Variants in POLR3E observed in about 807,000 individuals in gnomAD.
The protein encoded by POLR3E is RNA polymerase III subunit E.
A neutral mutation model predicts 96.6 loss-of-function variants in POLR3E; 41 were observed. That is an observed-to-expected ratio of 0.42 (90% confidence interval 0.33 to 0.55). The LOEUF (loss-of-function observed/expected upper bound fraction) is 0.55, where lower values mean the gene tolerates loss of function less well. Among genes scored for constraint, POLR3E ranks in the 20% least tolerant of loss-of-function variants. POLR3E has a pLI of 0.06. For missense variants in POLR3E, 849 were observed against 952.1 expected (o/e 0.89, Z 1.43); for synonymous variants, 396 against 383.6 (o/e 1.03, Z -0.38).
In POLR3E at chr16:22,332,065, A is replaced by G. The variant is rs771174202; in HGVS notation, c.1950A>G (p.Arg650=). The G allele has an allele frequency of 6.8e-6, 11 of 1,613,698 alleles. No homozygotes were observed. The highest frequency in any genetic ancestry group is 9.3e-6 in the Non-Finnish European group (11 of 1,179,806). The part of the protein sequence containing the change: ...WESGDMSDQH[R]QVLLEIFSKN... Reference sequence around the variant, plus strand: ...ACGTGTTTTTGCTACTAAAGCATCGACAGGTTTTGCTTGAAATTTTTTCCA... The same window carrying G: ...ACGTGTTTTTGCTACTAAAGCATCGGCAGGTTTTGCTTGAAATTTTTTCCA... The change falls in exon 20 of 21, where the codon CGA becomes CGG. Residue 650 remains arginine, a synonymous_variant. Transcript: ENST00000299853.
chr16:22,312,777 G>T (rs1256048075), intron 6 of POLR3E, among the ~76,000 whole-genome samples: 1 of 145,208 alleles, frequency 6.9e-6, no homozygotes, highest in Non-Finnish European at 1.5e-5. Flanking sequence ...TGAGGCAGGG[G>T]AATCACTTGA....
chr16:22,331,809 AC>A, intron 19 of POLR3E: 1 of 377,680 alleles, frequency 2.6e-6, no homozygotes, highest in South Asian at 2.8e-5. Flanking sequence ...GCTGGCATAT[AC>A]CTTTGTTTTT....
intron 19 of POLR3E, among the ~76,000 whole-genome samples, chr16:22,329,908 C>T (rs1222312497): frequency 1.3e-5 from 2 of 151,596 alleles, no homozygotes; most frequent in Non-Finnish European, 2.9e-5. Flanking sequence ...GGATCATAGG[C>T]ATTTACATCA....
Position 22,318,101 on chromosome 16 carries a change from T to A in POLR3E, c.866-725T>A, listed in dbSNP as rs914393573. On this transcript the variant is annotated intron_variant, in intron 12 of 20. Coordinates refer to ENST00000299853, the MANE Select transcript of POLR3E (RefSeq NM_018119.4). The surrounding 1 kb of genome is among the most constrained non-coding windows in gnomAD (Gnocchi z 5.0). ...TTCCTTCCTGCAGAGGACTTCGAAC[T>A]TTTTTTTTTTTTGAGACAGTCTTGC... Among the ~76,000 whole-genome samples the A allele has an allele frequency of 8.0e-6, 1 of 125,004 alleles. No homozygotes were observed. Among genetic ancestry groups the A allele is most frequent in the Non-Finnish European group, 1.5e-5 (1 of 65,160 alleles). The allele number at this position is 125,004 out of a possible 152,430, so 82.0% of individuals were successfully genotyped here. A position where few individuals can be genotyped will look rare whatever the true frequency, so the allele number is the denominator to read the frequency against.
rs962359126 is a variant in POLR3E at position 22,297,476 on chromosome 16, G to C, written c.-100G>C. ...CTGAGAGGAGAGCCGGGCCGCCGCC[G>C]TCTCTGCAGCCCGCGGGTAACTGGG... On this transcript the variant is annotated 5_prime_UTR_variant, in exon 1 of 21. Transcript: ENST00000299853. 1 of 152,524 alleles carries C rather than the reference G, an allele frequency of 6.6e-6. No individual in the cohort carries two copies. The highest frequency in any genetic ancestry group is 1.5e-5 in the Non-Finnish European group (1 of 68,258). 9.4% of individuals were successfully genotyped at this position (152,524 alleles called of 1,614,324 possible).
At chr16:22,323,691 A>G (rs2048516859) in intron 14 of POLR3E, among the ~76,000 whole-genome samples, 1 of 152,022 alleles carries the variant, frequency 6.6e-6, no homozygotes. Context: ...GCATGTAACA[A>G]TCACCACTCC....
intron 18 of POLR3E, chr16:22,327,927 T>G (rs964308076): frequency 6.6e-6 from 1 of 152,224 alleles, no homozygotes; most frequent in Non-Finnish European, 1.5e-5. Flanking sequence ...CCATCCCAGA[T>G]GCCCCCTCCC....
Position 22,308,907 on chromosome 16 carries a change from G to T in POLR3E, c.166-18G>T. ...CCTTGGGGTCCTCATAGCTGGTGGG[G>T]GTGCTTGGTGCCTCCAGGTAGAGCT... On this transcript the variant is annotated intron_variant, in intron 4 of 20. Transcript: ENST00000299853. 5.7e-6 allele frequency: 9 copies of T among 1,565,510 alleles called. No homozygotes were observed. Among genetic ancestry groups the T allele is most frequent in the East Asian group, 2.2e-5 (1 of 44,626 alleles).
rs111891081 is a variant in POLR3E, at chr16:22,318,784, C to T, written c.866-42C>T. 21 of 1,591,678 alleles carry T rather than the reference C, an allele frequency of 1.3e-5. No individual in the cohort carries two copies. The highest frequency in any genetic ancestry group is 1.7e-5 in the Non-Finnish European group (20 of 1,166,422). On this transcript the variant is annotated intron_variant, in intron 12 of 20. Transcript: ENST00000299853. This position sits in a 1 kb window ranked among gnomAD's most constrained non-coding sequence, Gnocchi z 5.0. Reference sequence around the variant, plus strand: ...TCTCGGTGGAGGGGAGGGAAGGGCCCGGCCCCTCTTCCTTGTCTGATGTCT... The same window carrying T: ...TCTCGGTGGAGGGGAGGGAAGGGCCTGGCCCCTCTTCCTTGTCTGATGTCT...
At chr16:22,306,040 C>T (rs1260328110) in intron 3 of POLR3E, among the ~76,000 whole-genome samples, 1 of 152,096 alleles carries the variant, frequency 6.6e-6, no homozygotes, top group Non-Finnish European at 1.5e-5. Context: ...GAACCCCTTG[C>T]CTATTAGCGA....
intron 13 of POLR3E, among the ~76,000 whole-genome samples, chr16:22,321,024 T>A (rs1265993951): frequency 6.6e-6 from 1 of 152,198 alleles, no homozygotes; most frequent in African/African-American, 2.4e-5. Context: ...CTGCTGGGGA[T>A]CACAGGTCTT....
intron 8 of POLR3E, among the ~76,000 whole-genome samples, chr16:22,314,671 G>A (rs1365266110): frequency 6.6e-6 from 1 of 152,214 alleles, no homozygotes; most frequent in Non-Finnish European, 1.5e-5. Flanking sequence ...GTGTTTGGAA[G>A]CCCTTGAGGA....
intron 9 of POLR3E, 152 bp from the exon 10 acceptor site, chr16:22,316,449 A>G (rs562581993): frequency 1.6e-6 from 1 of 617,576 alleles, no homozygotes; most frequent in Non-Finnish European, 2.9e-6. Context: ...TGAGTGGCTG[A>G]GGCCACGTCA....
chr16:22,325,440 A>G (rs2048560315), intron 17 of POLR3E, 174 bp downstream of exon 17: 2 of 659,968 alleles, frequency 3.0e-6, no homozygotes, highest in Non-Finnish European at 5.3e-6. Flanking sequence ...TCGCTTGCCC[A>G]GCAGCAGAGC....
In POLR3E at chr16:22,305,155, G is replaced by T. The variant is rs1487996644; in HGVS notation, c.37-1G>T. 6.2e-7 allele frequency: 1 copy of T among 1,612,820 alleles called. No homozygotes were observed. On this transcript the variant is annotated splice_acceptor_variant, in intron 2 of 20. Coordinates refer to ENST00000299853, the MANE Select transcript of POLR3E (RefSeq NM_018119.4). LOFTEE classifies it high-confidence loss of function. ...GTTAAGTCGTCTTCCCTTCTTCCCA[G>T]ATCGATGTGTACTTGGCCAAGAGTC...
chr16:22,305,166 A>G lies in POLR3E; in HGVS notation c.47A>G (p.Tyr16Cys), dbSNP rs756333804. The change falls in exon 3 of 21, where the codon TAC becomes TGC. Residue 16 changes from tyrosine (Y) to cysteine (C), a missense_variant. Transcript: ENST00000299853. ...TTCCCTTCTTCCCAGATCGATGTGT[A>G]CTTGGCCAAGAGTCTGGCGGAAAAG... is the stretch of plus-strand genomic sequence containing the variant. Reference protein sequence around the residue: ...DDPVVQEIDVYLAKSLAEKLY... With the variant: ...DDPVVQEIDVCLAKSLAEKLY... 6.2e-7 allele frequency: 1 copy of G among 1,612,164 alleles called. No homozygotes were observed. The highest frequency in any genetic ancestry group is 8.5e-7 in the Non-Finnish European group (1 of 1,178,312).
At chr16:22,330,803 C>T (rs1452545697) in intron 19 of POLR3E, among the ~76,000 whole-genome samples, 5 of 151,940 alleles carry the variant, frequency 3.3e-5, no homozygotes, top group Non-Finnish European at 7.4e-5. Flanking sequence ...CAGCTGTTTA[C>T]ATGAACCATA....
At position 22,318,990 on chromosome 16, in the gene POLR3E, T is replaced by C. The variant is rs778955165; in HGVS notation, c.986+44T>C. 57 of 1,448,230 alleles carry C rather than the reference T, an allele frequency of 3.9e-5. No individual in the cohort carries two copies. Among genetic ancestry groups the C allele is most frequent in the Non-Finnish European group, 5.4e-5 (57 of 1,060,686 alleles). 89.7% of individuals were successfully genotyped at this position (1,448,230 alleles called of 1,614,324 possible). A position where few individuals can be genotyped will look rare whatever the true frequency, so the allele number is the denominator to read the frequency against. On this transcript the variant is annotated intron_variant, in intron 13 of 20. Coordinates refer to ENST00000299853, the MANE Select transcript of POLR3E (RefSeq NM_018119.4). The surrounding 1 kb of genome is among the most constrained non-coding windows in gnomAD (Gnocchi z 5.0). The stretch of plus-strand genomic sequence containing the variant: ...TTTTTATTTTTATTTATTTTTTTCC[T>C]TGAGGCAGAGCTTCACTCTTGTTGC...
chr16:22,318,132 C>T lies in POLR3E; in HGVS notation c.866-694C>T, dbSNP rs2048397713. ...TTTTTTTGAGACAGTCTTGCTCTGT[C>T]ACCCAGGCTGGAGTGCAGTGGCACA... On this transcript the variant is annotated intron_variant, in intron 12 of 20. Coordinates refer to ENST00000299853, the MANE Select transcript of POLR3E (RefSeq NM_018119.4). The surrounding 1 kb of genome is among the most constrained non-coding windows in gnomAD (Gnocchi z 5.0). 6.6e-6 allele frequency among the ~76,000 whole-genome samples: 1 copy of T among 151,506 alleles called. No homozygotes were observed. Among genetic ancestry groups the T allele is most frequent in the Non-Finnish European group, 1.5e-5 (1 of 67,972 alleles).
Sources: allele counts gnomAD v4.1 joint callset (sites outside exome capture counted in the v4.1 genomes callset), GRCh38; gene constraint gnomAD v4.1.1; non-coding constraint Gnocchi (gnomAD v3.1); transcripts MANE v1.5; gene names NCBI Gene and HGNC (gene_info 2026-07-23, HGNC 2026-07-21).